The following UPP2 variants were observed in gnomAD, a reference collection of about 807,000 sequenced individuals.
The protein encoded by UPP2 is UPase 2.
UPP2 carries 23 observed loss-of-function variants against 26.7 expected under a neutral mutation model. The ratio of observed to expected loss-of-function variants is 0.86; its 90% confidence interval spans 0.62 to 1.22. UPP2 has a LOEUF of 1.22. Among genes scored for constraint, UPP2 ranks in the 50% most tolerant of loss-of-function variants. UPP2 has a pLI of 0.00. For missense variants in UPP2, 387 were observed against 396.7 expected, an observed-to-expected ratio of 0.98 and a Z score of 0.21; for synonymous variants, 127 against 141.3, an observed-to-expected ratio of 0.90 and a Z score of 0.72.
chr2:158,135,897 G>A lies in UPP2; in HGVS notation c.*1007G>A, dbSNP rs983082259. The A allele has an allele frequency of 1.3e-5, 2 of 152,222 alleles. No individual in the cohort carries two copies. Among genetic ancestry groups the A allele is most frequent in the African/African-American group, 2.4e-5 (1 of 41,436 alleles). The allele number at this position is 152,222 out of a possible 1,614,324, so 9.4% of individuals were successfully genotyped here. On this transcript the variant is annotated 3_prime_UTR_variant, in exon 7 of 7. Coordinates refer to ENST00000005756, the MANE Select transcript of UPP2 (RefSeq NM_173355.4). Reference sequence around the variant, plus strand: ...TGGGTAGAGGATGACTGGCACACTTGTATAGTATGTAATGTTGTGTACATA... The same window carrying A: ...TGGGTAGAGGATGACTGGCACACTTATATAGTATGTAATGTTGTGTACATA...
intron 3 of UPP2, among the ~76,000 whole-genome samples, chr2:158,055,507 G>A (rs541416671): frequency 3.9e-5 from 6 of 152,158 alleles, no homozygotes; most frequent in South Asian, 4.1e-4. Context: ...TGTTCACTTC[G>A]CATAATGTCC....
upstream of UPP2, among the ~76,000 whole-genome samples, chr2:158,100,358 C>T (rs1399839836): frequency 6.6e-6 from 1 of 152,168 alleles, no homozygotes; most frequent in East Asian, 1.9e-4. Context: ...GTTAATCAAC[C>T]TAGTTAATTC....
At chr2:158,063,736 A>G (rs1682390367) in intron 3 of UPP2, among the ~76,000 whole-genome samples, 1 of 151,960 alleles carries the variant, frequency 6.6e-6, no homozygotes, top group Admixed American at 6.6e-5. Context: ...TCCTAATGTT[A>G]TCCCTCCCTT....
intron 3 of UPP2, among the ~76,000 whole-genome samples, chr2:158,058,858 T>C (rs1222909107): frequency 6.6e-6 from 1 of 152,104 alleles, no homozygotes; most frequent in Non-Finnish European, 1.5e-5. Flanking sequence ...GTGAATGGTT[T>C]GGGAAGCTGA....
chr2:158,057,733 G>T (rs1682269561), intron 3 of UPP2, among the ~76,000 whole-genome samples: 1 of 138,356 alleles, frequency 7.2e-6, no homozygotes, highest in African/African-American at 2.5e-5. Flanking sequence ...AGTTGATTCA[G>T]ATTCTTTTTT....
chr2:158,085,694 G>A (rs1226517967), intron 3 of UPP2, among the ~76,000 whole-genome samples: 1 of 152,060 alleles, frequency 6.6e-6, no homozygotes, highest in African/African-American at 2.4e-5. Flanking sequence ...TGATTTTGCT[G>A]AGGGTTTTAA....
intron 2 of UPP2, among the ~76,000 whole-genome samples, chr2:158,013,477 G>A (rs184075532): frequency 6.6e-6 from 1 of 152,336 alleles, no homozygotes; most frequent in Admixed American, 6.5e-5. Flanking sequence ...TCTAGATGTG[G>A]AAAGGCTTGG....
rs141751387 is a variant in UPP2 at position 158,069,245 on chromosome 2, G to T, written c.148-32795G>T. ...CACCTGTGCAAGTTCTTGATTTAGT[G>T]CCCATGAGATCCAAAGTCATCCTTT... On this transcript the variant is annotated intron_variant, in intron 3 of 9. Coordinates refer to the UPP2 transcript ENST00000605860. 5.4e-3 allele frequency among the ~76,000 whole-genome samples: 828 copies of T among 152,240 alleles called. 8 individuals carry two copies. The highest frequency in any genetic ancestry group is 0.019 in the African/African-American group (792 of 41,534).
rs549821905 is a variant in UPP2, at chr2:158,039,028, A to G, written c.147+23142A>G. Among the ~76,000 whole-genome samples, 9 of 152,334 alleles carry G rather than the reference A, an allele frequency of 5.9e-5. No homozygotes were observed. In the South Asian group the frequency reaches 8.3e-4, roughly 14 times the overall value. On this transcript the variant is annotated intron_variant, in intron 3 of 9. Transcript: ENST00000605860. ...TGCACTGAGATACTCCCTGTTCCCA[A>G]TTAAATCAATTATCTGGGTAATCTT... is the stretch of plus-strand genomic sequence containing the variant.
upstream of UPP2, among the ~76,000 whole-genome samples, chr2:158,096,997 A>G (rs138521575): frequency 0.027 from 4,098 of 152,258 alleles, 188 homozygotes; most frequent in African/African-American, 0.09. Flanking sequence ...TCAAATTAAT[A>G]TTAAGTCTGG....
At chr2:158,132,935 TAGTACA>T (rs1683850389) in intron 6 of UPP2, among the ~76,000 whole-genome samples, 1 of 152,182 alleles carries the variant, frequency 6.6e-6, no homozygotes, top group Admixed American at 6.5e-5. Flanking sequence ...GAATGTAAAT[TAGTACA>T]TCAATTATGA....
intron 3 of UPP2, among the ~76,000 whole-genome samples, chr2:158,081,021 G>A (rs1682715888): frequency 6.6e-6 from 1 of 152,150 alleles, no homozygotes; most frequent in Non-Finnish European, 1.5e-5. Flanking sequence ...TGTCATGCCT[G>A]TGTACTCTTC....
chr2:158,098,675 G>C (rs1032640341), upstream of UPP2, among the ~76,000 whole-genome samples: 2 of 151,996 alleles, frequency 1.3e-5, no homozygotes, highest in Non-Finnish European at 2.9e-5. Flanking sequence ...ACCTCAGATG[G>C]GAGCAGTGGG....
At chr2:158,083,032 C>A in intron 3 of UPP2, among the ~76,000 whole-genome samples, 1 of 152,066 alleles carries the variant, frequency 6.6e-6, no homozygotes, top group Middle Eastern at 3.2e-3. Flanking sequence ...GTTAGAATGG[C>A]GATTATTAAA....
intron 6 of UPP2, among the ~76,000 whole-genome samples, chr2:158,130,363 A>G (rs1482423779): frequency 1.3e-5 from 2 of 150,386 alleles, no homozygotes; most frequent in African/African-American, 2.4e-5. Flanking sequence ...AGGGAGGAGA[A>G]TGGCGTGAAC....
intron 3 of UPP2, among the ~76,000 whole-genome samples, chr2:158,071,769 G>A (rs1682545046): frequency 6.6e-6 from 1 of 151,938 alleles, no homozygotes; most frequent in Admixed American, 6.6e-5. Context: ...AGTCCTGGCA[G>A]GATTCATCAT....
At chr2:158,123,174 A>G (rs1477563306) in intron 5 of UPP2, among the ~76,000 whole-genome samples, 1 of 152,122 alleles carries the variant, frequency 6.6e-6, no homozygotes, top group Non-Finnish European at 1.5e-5. Flanking sequence ...TACAGCTGAA[A>G]TTCAGTGATG....
chr2:158,126,936 T>A (rs1683706347), intron 6 of UPP2, among the ~76,000 whole-genome samples: 1 of 152,188 alleles, frequency 6.6e-6, no homozygotes, highest in Non-Finnish European at 1.5e-5. Context: ...GTACACCAGA[T>A]GACTGGATAA....
At chr2:158,031,856 T>C (rs970762862) in intron 3 of UPP2, among the ~76,000 whole-genome samples, 6 of 152,226 alleles carry the variant, frequency 3.9e-5, no homozygotes, top group East Asian at 1.9e-4. Context: ...GTTCTTTCTT[T>C]AGCAATTTCC....
Sources: allele counts gnomAD v4.1 joint callset (sites outside exome capture counted in the v4.1 genomes callset), GRCh38; gene constraint gnomAD v4.1.1; transcripts MANE v1.5; gene names NCBI Gene and HGNC (gene_info 2026-07-23, HGNC 2026-07-21).